RAB1B: variants seen among roughly 807,000 people sequenced by gnomAD.
RAB1B encodes the protein RAB1B, member RAS oncogene family.
Under a neutral mutation model 24.8 loss-of-function variants are expected in RAB1B, and 10 were observed. The ratio of observed to expected loss-of-function variants is 0.40; its 90% CI spans 0.25 to 0.68. RAB1B has a LOEUF of 0.68. Ranked by LOEUF, RAB1B falls within the 30% of genes least tolerant of loss-of-function variation. The pLI, the probability that RAB1B is intolerant of heterozygous loss-of-function variation, is 0.37. For synonymous variants in RAB1B, 99 were observed against 111.7 expected, an observed-to-expected ratio of 0.89 and a Z score of 0.72; for missense variants, 154 against 271.2, an observed-to-expected ratio of 0.57 and a Z score of 3.04.
chr11:66,273,894 A>C (rs995555508), intron 4 of RAB1B, among the ~76,000 whole-genome samples: 2 of 152,070 alleles, frequency 1.3e-5, no homozygotes, highest in Non-Finnish European at 2.9e-5. Flanking sequence ...TCCCACCCTC[A>C]AGCAGCCTCT....
intron 4 of RAB1B, among the ~76,000 whole-genome samples, chr11:66,274,239 C>T (rs1440125472): frequency 6.6e-6 from 1 of 152,200 alleles, no homozygotes; most frequent in Non-Finnish European, 1.5e-5. Context: ...CTCTCCCCAT[C>T]ATCTTTCTGA....
At chr11:66,272,534 A>G (rs1345519089) in intron 4 of RAB1B, 74 bp downstream of exon 4, 2 of 976,252 alleles carry the variant, frequency 2.0e-6, no homozygotes, top group African/African-American at 1.6e-5. Context: ...TCCTCCTTCC[A>G]TCCTCTCTTT....
chr11:66,272,232 A>G lies in RAB1B; in HGVS notation c.163A>G (p.Lys55Glu). The G allele has an allele frequency of 6.2e-7, 1 of 1,613,708 alleles. No individual in the cohort carries two copies. The part of the protein sequence containing the change: ...FKIRTIELDG[K>E]TIKLQIWDTA... ...GATCCGAACCATCGAGCTGGATGGC[A>G]AAACTATCAAACTTCAGATCGTGAG... The change falls in exon 3 of 6, where the codon AAA becomes GAA. Residue 55 changes from lysine to glutamate, a missense_variant. Physicochemically the swap from Lys to Glu is moderately conservative, Grantham distance 56 (BLOSUM62 1). Around this residue, in one of 2 missense-constraint regions of RAB1B, gnomAD observed 77 missense variants for 173.4 expected, o/e 0.44. Coordinates refer to ENST00000311481, the MANE Select transcript of RAB1B (RefSeq NM_030981.3).
intron 1 of RAB1B, chr11:66,270,174 C>CT (rs1857031439): frequency 6.6e-6 from 1 of 152,156 alleles, no homozygotes; most frequent in South Asian, 2.1e-4. Context: ...TGCACCCAGC[C>CT]TTAAGTGCAA....
chr11:66,270,521 T>TGAGCC (rs1283188950), intron 1 of RAB1B: 1 of 152,234 alleles, frequency 6.6e-6, no homozygotes, highest in Non-Finnish European at 1.5e-5. Context: ...GACGTTGCAG[T>TGAGCC]GAGCCGAGAT....
intron 4 of RAB1B, among the ~76,000 whole-genome samples, chr11:66,275,002 T>C (rs1857119003): frequency 6.6e-6 from 1 of 152,058 alleles, no homozygotes; most frequent in Admixed American, 6.5e-5. Flanking sequence ...CTAACCTGTT[T>C]TGCCCTTGTG....
chr11:66,269,613 G>A (rs1206762496), intron 1 of RAB1B, among the ~76,000 whole-genome samples: 1 of 152,220 alleles, frequency 6.6e-6, no homozygotes, highest in Non-Finnish European at 1.5e-5. Context: ...ATTGGGAGGG[G>A]AACAGAGAAG....
Position 66,276,467 on chromosome 11 carries a change from C to G in RAB1B, c.*229C>G. 1 of 522,774 alleles carries G rather than the reference C, an allele frequency of 1.9e-6. No individual in the cohort carries two copies. The highest frequency in any genetic ancestry group is 3.3e-6 in the Non-Finnish European group (1 of 300,654). 32.4% of individuals were successfully genotyped at this position (522,774 alleles called of 1,614,324 possible). ...GCCTGTGGCCAGGCAGGGCGGAGGC[C>G]TGCTGTGCTGTTGCCTCTAGGTGAC... On this transcript the variant is annotated 3_prime_UTR_variant, in exon 6 of 6. Coordinates refer to ENST00000311481, the MANE Select transcript of RAB1B (RefSeq NM_030981.3).
chr11:66,275,902 C>T lies in RAB1B; in HGVS notation c.378C>T (p.Thr126=), dbSNP rs1857134457. The T allele has an allele frequency of 1.2e-6, 2 of 1,610,718 alleles. No individual in the cohort carries two copies. The highest frequency in any genetic ancestry group is 8.5e-7 in the Non-Finnish European group (1 of 1,179,036). The change falls in exon 5 of 6, where the codon ACC becomes ACT. Residue 126 remains threonine, a synonymous_variant. Coordinates refer to ENST00000311481, the MANE Select transcript of RAB1B (RefSeq NM_030981.3). ...KLLVGNKSDL[T]TKKVVDNTTA... The stretch of plus-strand genomic sequence containing the variant: ...TGGTGGGCAACAAGAGCGACCTCAC[C>T]ACCAAGAAGGTGGTGGACAACACCA...
intron 4 of RAB1B, 124 bp downstream of exon 4, chr11:66,272,584 A>G: frequency 1.6e-6 from 1 of 630,784 alleles, no homozygotes. Context: ...GTCTGCTTAC[A>G]GGAACTAACT....
chr11:66,272,593 C>G, intron 4 of RAB1B, 133 bp downstream of exon 4: 1 of 603,712 alleles, frequency 1.7e-6, no homozygotes, highest in Non-Finnish European at 2.9e-6. Flanking sequence ...CAGGAACTAA[C>G]TAGGAAAAAG....
At chr11:66,276,009 T>C (rs368074010) in intron 5 of RAB1B, 35 bp from the exon 6 acceptor site, 2 of 1,589,948 alleles carry the variant, frequency 1.3e-6, no homozygotes, top group East Asian at 2.2e-5. Context: ...CCCCTCCTCT[T>C]CTCTCCCCTC....
intron 4 of RAB1B, among the ~76,000 whole-genome samples, chr11:66,273,748 C>T (rs936401369): frequency 2.0e-5 from 3 of 152,226 alleles, no homozygotes; most frequent in South Asian, 2.1e-4. Context: ...ATGATCTTCT[C>T]TAGTAAACTA....
rs997171020 is a variant in RAB1B, at chr11:66,275,818, C to G, written c.294C>G (p.Asn98Lys). 9 of 1,585,314 alleles carry G rather than the reference C, an allele frequency of 5.7e-6. No homozygotes were observed. Among genetic ancestry groups the G allele is most frequent in the Non-Finnish European group, 8.6e-7 (1 of 1,166,570 alleles). The change falls in exon 5 of 6, where the codon AAC becomes AAG. Residue 98 changes from asparagine to lysine, a missense_variant. Physicochemically the swap from Asn to Lys is moderately conservative, Grantham distance 94. Around this residue, in one of 2 missense-constraint regions of RAB1B, gnomAD observed 77 missense variants for 173.4 expected, o/e 0.44. Transcript: ENST00000311481. ...GCCCCCTTTAGGAATCCTACGCCAACGTGAAGCAGTGGCTGCAGGAGATTG... is the reference window on the plus strand; with the variant it reads ...GCCCCCTTTAGGAATCCTACGCCAAGGTGAAGCAGTGGCTGCAGGAGATTG... ...YDVTDQESYA[N>K]VKQWLQEIDR... is the part of the protein sequence containing the mutation.
At chr11:66,273,156 A>G (rs1430220787) in intron 4 of RAB1B, among the ~76,000 whole-genome samples, 3 of 152,182 alleles carry the variant, frequency 2.0e-5, no homozygotes, top group African/African-American at 7.2e-5. Flanking sequence ...GAAAGCCTGG[A>G]TGGCTCATTC....
intron 4 of RAB1B, among the ~76,000 whole-genome samples, chr11:66,275,295 A>G (rs1255556392): frequency 6.6e-6 from 1 of 152,150 alleles, no homozygotes; most frequent in African/African-American, 2.4e-5. Flanking sequence ...TGCCAAAAGT[A>G]GGATGAATTT....
In RAB1B at chr11:66,276,742, CAG is replaced by C. The variant is rs1227279367; in HGVS notation, c.*505_*506del. ...GACCTCAGGACAGGCATGGAGGCCA[CAG>C]GGGCCCAGCAGCCCACCCTTTCCTC... On this transcript the variant is annotated 3_prime_UTR_variant, in exon 6 of 6. Coordinates refer to ENST00000311481, the MANE Select transcript of RAB1B (RefSeq NM_030981.3). 6.5e-6 allele frequency: 1 copy of C among 153,550 alleles called. No individual in the cohort carries two copies. Among genetic ancestry groups the C allele is most frequent in the East Asian group, 1.9e-4 (1 of 5,194 alleles). The allele number at this position is 153,550 out of a possible 1,614,324, so 9.5% of individuals were successfully genotyped here.
At chr11:66,273,334 G>A (rs551017712) in intron 4 of RAB1B, among the ~76,000 whole-genome samples, 24 of 152,322 alleles carry the variant, frequency 1.6e-4, no homozygotes, top group African/African-American at 5.8e-4. Context: ...GACGAGCTGT[G>A]GGGAAGCTAC....
In RAB1B at chr11:66,271,836, C is replaced by T. The variant is rs140622155; in HGVS notation, c.54C>T (p.Gly18=). 6.8e-6 allele frequency: 11 copies of T among 1,613,932 alleles called. No individual in the cohort carries two copies. The highest frequency in any genetic ancestry group is 4.0e-5 in the African/African-American group (3 of 74,898). Residue 18 remains glycine (G), a synonymous_variant, in exon 2 of 6, where the codon GGC becomes GGT. Transcript: ENST00000311481. The part of the protein sequence containing the change: ...LFKLLLIGDS[G]VGKSCLLLRF... ...AGCTGCTTTTGATTGGCGACTCAGG[C>T]GTGGGCAAGTCATGCCTGCTCCTGC...
Sources: gnomAD v4.1 joint callset for allele counts (sites outside exome capture counted in the v4.1 genomes callset) on GRCh38, gnomAD v4.1.1 for gene constraint, gnomAD v4.1.1 regional missense constraint, MANE v1.5 for transcripts, NCBI Gene and HGNC (gene_info 2026-07-23, HGNC 2026-07-21) for gene names.